RAB38: variants seen among roughly 807,000 people sequenced by gnomAD.
The protein encoded by RAB38 is ras-related protein Rab-38.
RAB38 carries 15 observed loss-of-function variants against 18.4 expected under a neutral mutation model. The observed-to-expected ratio is 0.82, with a 90% CI of 0.55 to 1.26. The LOEUF is 1.26. RAB38 is among the 50% of genes most tolerant of loss of function. RAB38 has a pLI of 0.00. For synonymous variants in RAB38, 101 were observed against 104.4 expected (o/e 0.97, Z 0.20); for missense variants, 294 against 267.4 (o/e 1.10, Z -0.69).
the RAB38 span, among the ~76,000 whole-genome samples, chr11:87,900,427 C>T: frequency 6.6e-6 from 1 of 151,704 alleles, no homozygotes; most frequent in South Asian, 2.1e-4. Context: ...GATCCTAATG[C>T]ATGAAGTCCA....
the RAB38 span, among the ~76,000 whole-genome samples, chr11:88,084,482 A>G: frequency 1.3e-5 from 2 of 151,830 alleles, no homozygotes; most frequent in Non-Finnish European, 2.9e-5. Flanking sequence ...GACCTGGTGA[A>G]GGATTCAGAG....
chr11:87,893,390 A>ATATATTTTTTTTT, the RAB38 span, among the ~76,000 whole-genome samples: 42 of 93,890 alleles, frequency 4.5e-4, 1 homozygote, highest in Non-Finnish European at 5.2e-4. Context: ...ATATATATAT[A>ATATATTTTTTTTT]TTTTTTTTTT....
chr11:88,104,059 C>T, the RAB38 span, among the ~76,000 whole-genome samples: 1 of 152,072 alleles, frequency 6.6e-6, no homozygotes, highest in Non-Finnish European at 1.5e-5. Context: ...CTGAACTTTT[C>T]CCCTATCTGG....
the RAB38 span, among the ~76,000 whole-genome samples, chr11:87,955,474 G>A: frequency 6.6e-6 from 1 of 152,088 alleles, no homozygotes; most frequent in South Asian, 2.1e-4. Context: ...CCCACATAAC[G>A]AACCTGCACA....
the RAB38 span, among the ~76,000 whole-genome samples, chr11:87,961,980 TA>T: frequency 6.6e-6 from 1 of 152,196 alleles, no homozygotes; most frequent in Non-Finnish European, 1.5e-5. Flanking sequence ...AAAGCTTTCA[TA>T]TTGGTCATGG....
the RAB38 span, among the ~76,000 whole-genome samples, chr11:88,084,916 T>C: frequency 6.6e-6 from 1 of 151,940 alleles, no homozygotes; most frequent in Non-Finnish European, 1.5e-5. Flanking sequence ...GCAGATTGCA[T>C]ATTTTGATCC....
intron 2 of RAB38, among the ~76,000 whole-genome samples, chr11:88,117,661 G>C (rs1367598480): frequency 1.3e-5 from 2 of 152,212 alleles, no homozygotes; most frequent in Non-Finnish European, 2.9e-5. Flanking sequence ...AGTCTTTAGA[G>C]TACAGGCCTG....
chr11:87,976,666 T>TTCTATGA, the RAB38 span, among the ~76,000 whole-genome samples: 1 of 105,998 alleles, frequency 9.4e-6, no homozygotes, highest in Admixed American at 1.2e-4. Context: ...ATATATAATT[T>TTCTATGA]TATATGATAT....
the RAB38 span, among the ~76,000 whole-genome samples, chr11:87,940,838 G>A: frequency 6.6e-6 from 1 of 151,844 alleles, no homozygotes; most frequent in Non-Finnish European, 1.5e-5. Flanking sequence ...TCACCATATT[G>A]CCAGGCTTGT....
chr11:88,031,602 C>T, the RAB38 span, among the ~76,000 whole-genome samples: 6 of 151,724 alleles, frequency 4.0e-5, no homozygotes, highest in Non-Finnish European at 8.8e-5. Flanking sequence ...AACAGAGAGC[C>T]AAATCATGAG....
At chr11:88,088,650 T>C in the RAB38 span, among the ~76,000 whole-genome samples, 45,710 of 151,750 alleles carry the variant, frequency 0.3, 7,816 homozygotes, top group Non-Finnish European at 0.4. Flanking sequence ...CCTGGTTTCC[T>C]GTCACGACCA....
At chr11:87,850,222 A>C in the RAB38 span, among the ~76,000 whole-genome samples, 2 of 152,158 alleles carry the variant, frequency 1.3e-5, no homozygotes, top group Admixed American at 6.6e-5. Context: ...ATTCAACAAA[A>C]TAATATCAGT....
downstream of RAB38, among the ~76,000 whole-genome samples, chr11:88,111,330 C>A (rs888664267): frequency 1.3e-5 from 2 of 152,062 alleles, no homozygotes; most frequent in African/African-American, 4.8e-5. Context: ...TATCTAGTAG[C>A]AACCCCATTT....
chr11:88,173,093 G>A (rs1311202286), intron 1 of RAB38, among the ~76,000 whole-genome samples: 1 of 152,200 alleles, frequency 6.6e-6, no homozygotes, highest in African/African-American at 2.4e-5. Context: ...TCGAGCTTGG[G>A]AGTTAAATTG....
the RAB38 span, among the ~76,000 whole-genome samples, chr11:87,891,552 C>T: frequency 6.6e-5 from 10 of 151,776 alleles, no homozygotes; most frequent in East Asian, 2.0e-4. Context: ...TCTAAAGAAC[C>T]GAGTTTCTGG....
the RAB38 span, among the ~76,000 whole-genome samples, chr11:87,869,208 C>A: frequency 6.6e-6 from 1 of 151,724 alleles, no homozygotes; most frequent in Admixed American, 6.6e-5. Flanking sequence ...CTCTCATCAA[C>A]CAAATCACAA....
At chr11:87,959,618 C>A in the RAB38 span, among the ~76,000 whole-genome samples, 1 of 152,168 alleles carries the variant, frequency 6.6e-6, no homozygotes, top group Non-Finnish European at 1.5e-5. Flanking sequence ...CATTCTCCAG[C>A]CTCCCACCAG....
the RAB38 span, among the ~76,000 whole-genome samples, chr11:88,093,480 A>G: frequency 3.4e-5 from 3 of 87,244 alleles, no homozygotes; most frequent in African/African-American, 4.8e-5. Context: ...ATCGAATTGT[A>G]TAGTTTGAAA....
chr11:88,123,460 G>T (rs1392763475), intron 2 of RAB38, among the ~76,000 whole-genome samples: 2 of 152,184 alleles, frequency 1.3e-5, no homozygotes, highest in African/African-American at 4.8e-5. Context: ...ATGTTCACAA[G>T]AAAATTTACT....
Sources: allele counts gnomAD v4.1 joint callset (sites outside exome capture counted in the v4.1 genomes callset), GRCh38; gene constraint gnomAD v4.1.1; transcripts MANE v1.5; gene names NCBI Gene and HGNC (gene_info 2026-07-23, HGNC 2026-07-21).